BCAS3: variants seen among roughly 807,000 people sequenced by gnomAD.
BCAS3 encodes the protein BCAS3 microtubule associated cell migration factor, also known as BCAS4/BCAS3 fusion.
BCAS3 carries 53 observed loss-of-function variants against 116.1 expected under a neutral mutation model. That is an observed-to-expected ratio of 0.46 (90% CI 0.37 to 0.57). The LOEUF (loss-of-function observed/expected upper bound fraction) is 0.57, where lower values mean the gene tolerates loss of function less well. Among genes scored for constraint, BCAS3 ranks in the 20% least tolerant of loss-of-function variants. The pLI is 0.00. For missense variants in BCAS3, 917 were observed against 1,165.4 expected (o/e 0.79, Z 3.10); for synonymous variants, 391 against 408.2 (o/e 0.96, Z 0.51).
chr17:60,793,746 G>T (rs2046978061), intron 6 of BCAS3, among the ~76,000 whole-genome samples: 3 of 152,026 alleles, frequency 2.0e-5, no homozygotes, highest in Non-Finnish European at 4.4e-5. Flanking sequence ...TCCTTTTTAT[G>T]GCTCAGGAAT....
intron 19 of BCAS3, 105 bp from the exon 20 acceptor site, chr17:61,074,815 T>C (rs971285402): frequency 1.4e-5 from 8 of 590,446 alleles, no homozygotes; most frequent in African/African-American, 1.3e-4. Context: ...TAAAGTATTA[T>C]ATTTTATCTT....
At position 61,226,820 on chromosome 17, in the gene BCAS3, T is replaced by G. The variant is rs1002231022; in HGVS notation, c.2426-141507T>G. On this transcript the variant is annotated intron_variant, in intron 22 of 23. Transcript: ENST00000407086. This position sits in a 1 kb window ranked among gnomAD's most constrained non-coding sequence, Gnocchi z 6.0. ...ATGAGATTGCTGTTACTGTATCACATTTACGTATTAGGGAACTGAGCTTCA... is the reference window on the plus strand; with the variant it reads ...ATGAGATTGCTGTTACTGTATCACAGTTACGTATTAGGGAACTGAGCTTCA... Among the ~76,000 whole-genome samples the G allele has an allele frequency of 1.3e-5, 2 of 152,182 alleles. No individual in the cohort carries two copies. The highest frequency in any genetic ancestry group is 1.3e-4 in the Admixed American group (2 of 15,284).
At chr17:60,738,783 T>C (rs2041231199) in intron 5 of BCAS3, among the ~76,000 whole-genome samples, 1 of 152,114 alleles carries the variant, frequency 6.6e-6, no homozygotes, top group Non-Finnish European at 1.5e-5. Flanking sequence ...TGTGAAAGGG[T>C]CTTGGTCTTC....
At chr17:61,247,534 A>G (rs1315075353) in intron 22 of BCAS3, among the ~76,000 whole-genome samples, 1 of 152,146 alleles carries the variant, frequency 6.6e-6, no homozygotes, top group African/African-American at 2.4e-5. Flanking sequence ...TTCTTTGTCC[A>G]TTTAGTTATC....
chr17:60,984,685 G>A (rs138596922), intron 14 of BCAS3, among the ~76,000 whole-genome samples: 1 of 152,050 alleles, frequency 6.6e-6, no homozygotes, highest in South Asian at 2.1e-4. Flanking sequence ...GTACATAGTA[G>A]GTAGTTATAT....
intron 5 of BCAS3, among the ~76,000 whole-genome samples, chr17:60,743,276 A>G (rs573245635): frequency 2.0e-5 from 3 of 152,298 alleles, no homozygotes; most frequent in African/African-American, 7.2e-5. Flanking sequence ...ACCCATTTAC[A>G]TTAAGATGAA....
intron 22 of BCAS3, among the ~76,000 whole-genome samples, chr17:61,206,187 G>A (rs1386347970): frequency 6.6e-6 from 1 of 152,154 alleles, no homozygotes; most frequent in Admixed American, 6.5e-5. Flanking sequence ...ATGAATAAGT[G>A]AATCCTGGAC....
chr17:61,329,030 G>A (rs1194153776), intron 22 of BCAS3, among the ~76,000 whole-genome samples: 2 of 151,638 alleles, frequency 1.3e-5, no homozygotes, highest in African/African-American at 2.4e-5. Flanking sequence ...GAATAGCTGG[G>A]ACTACAGGTG....
Position 61,026,848 on chromosome 17 carries a change from TC to T in BCAS3, c.1638-7813del. 1 of 1,589,080 alleles carries T rather than the reference TC, an allele frequency of 6.3e-7. No individual in the cohort carries two copies. Among genetic ancestry groups the T allele is most frequent in the Non-Finnish European group, 8.6e-7 (1 of 1,165,802 alleles). Reference sequence around the variant, plus strand: ...TTTTCTCTAATTTTTTGTGCATTTTTCCCCCTTTTCCATGAAGGCCTTATCT... The same window carrying T: ...TTTTCTCTAATTTTTTGTGCATTTTTCCCCTTTTCCATGAAGGCCTTATCT... On this transcript the variant is annotated intron_variant, in intron 16 of 23. Transcript: ENST00000407086. This position sits in a 1 kb window ranked among gnomAD's most constrained non-coding sequence, Gnocchi z 5.0.
chr17:61,266,898 C>G (rs1342276979), intron 22 of BCAS3, among the ~76,000 whole-genome samples: 1 of 152,204 alleles, frequency 6.6e-6, no homozygotes, highest in Admixed American at 6.5e-5. Flanking sequence ...TCCTCACACA[C>G]GCACATTCAT....
rs1179221062 is a variant in BCAS3, at chr17:60,964,591, T to G, written c.1221+17239T>G. 6.6e-6 allele frequency among the ~76,000 whole-genome samples: 1 copy of G among 152,214 alleles called. No individual in the cohort carries two copies. The highest frequency in any genetic ancestry group is 6.5e-5 in the Admixed American group (1 of 15,280). On this transcript the variant is annotated intron_variant, in intron 14 of 23. Transcript: ENST00000407086. The surrounding 1 kb of genome is among the most constrained non-coding windows in gnomAD (Gnocchi z 4.6). Reference sequence around the variant, plus strand: ...AGTATGTCCTCCTCTTCAATTTTTTTGAAGAGTTTGAGTACAATTGGTATT... The same window carrying G: ...AGTATGTCCTCCTCTTCAATTTTTTGGAAGAGTTTGAGTACAATTGGTATT...
intron 10 of BCAS3, among the ~76,000 whole-genome samples, chr17:60,892,669 C>T (rs1285490992): frequency 6.6e-6 from 1 of 151,438 alleles, no homozygotes; most frequent in Non-Finnish European, 1.5e-5. Context: ...GCCTATAATC[C>T]CAGCACTTTG....
rs1366809516 is a variant in BCAS3 at position 61,134,923 on chromosome 17, A to G, written c.2425+50359A>G. On this transcript the variant is annotated intron_variant, in intron 22 of 23. Transcript: ENST00000407086. This position sits in a 1 kb window ranked among gnomAD's most constrained non-coding sequence, Gnocchi z 4.6. ...TTTTTTTGAAATAAAACATTTGTAC[A>G]AGTCAGTAAAAGTGATATACAGTAT... Among the ~76,000 whole-genome samples the G allele has an allele frequency of 1.3e-5, 2 of 152,154 alleles. No homozygotes were observed. Among genetic ancestry groups the G allele is most frequent in the Admixed American group, 1.3e-4 (2 of 15,280 alleles).
At chr17:60,982,587 C>G (rs1187096255) in intron 14 of BCAS3, among the ~76,000 whole-genome samples, 1 of 152,116 alleles carries the variant, frequency 6.6e-6, no homozygotes, top group Non-Finnish European at 1.5e-5. Flanking sequence ...TTTAGTTTTT[C>G]CTCTCTCTAC....
chr17:61,157,813 G>A (rs1306320147), intron 22 of BCAS3, among the ~76,000 whole-genome samples: 1 of 152,180 alleles, frequency 6.6e-6, no homozygotes, highest in Non-Finnish European at 1.5e-5. Context: ...CTCCCTTGGT[G>A]CAGGAAGACC....
chr17:60,776,328 T>A (rs2045278588), intron 6 of BCAS3, among the ~76,000 whole-genome samples: 1 of 152,234 alleles, frequency 6.6e-6, no homozygotes, highest in Non-Finnish European at 1.5e-5. Context: ...TTTTTGAAAA[T>A]GCCAGTATAA....
At chr17:61,142,673 T>G (rs1004893166) in intron 22 of BCAS3, among the ~76,000 whole-genome samples, 1 of 152,174 alleles carries the variant, frequency 6.6e-6, no homozygotes, top group Non-Finnish European at 1.5e-5. Flanking sequence ...TGCCTTTTCA[T>G]GTACTGCATC....
At chr17:61,046,128 A>G (rs117659524) in intron 19 of BCAS3, among the ~76,000 whole-genome samples, 2,035 of 87,364 alleles carry the variant, frequency 0.023, 39 homozygotes, top group Non-Finnish European at 0.033. Context: ...AATAAAAGCA[A>G]TACTGGCGCC....
chr17:60,802,283 C>CAA lies in BCAS3; in HGVS notation c.404-5709_404-5708dup, dbSNP rs1174016996. The stretch of plus-strand genomic sequence containing the variant: ...TGTGCAACAGAGTGAGACTCTGTCT[C>CAA]AAAAAAAAAAAAATATATATATATA... On this transcript the variant is annotated intron_variant, in intron 6 of 23. Coordinates refer to ENST00000407086, the MANE Select transcript of BCAS3 (RefSeq NM_017679.5). 8.7e-3 allele frequency among the ~76,000 whole-genome samples: 933 copies of CAA among 107,818 alleles called. 3 individuals carry two copies. The highest frequency in any genetic ancestry group is 0.012 in the African/African-American group (313 of 26,398). 70.7% of individuals were successfully genotyped at this position (107,818 alleles called of 152,430 possible).
Sources: allele counts gnomAD v4.1 joint callset (sites outside exome capture counted in the v4.1 genomes callset), GRCh38; gene constraint gnomAD v4.1.1; non-coding constraint Gnocchi (gnomAD v3.1); transcripts MANE v1.5; gene names NCBI Gene and HGNC (gene_info 2026-07-23, HGNC 2026-07-21).